Variants in THSD7A observed in about 807,000 individuals in gnomAD.
THSD7A encodes the protein thrombospondin type-1 domain-containing protein 7A.
Under a neutral mutation model 231.3 loss-of-function variants are expected in THSD7A, and 96 were observed. The ratio of observed to expected loss-of-function variants is 0.41; its 90% CI spans 0.35 to 0.49. The LOEUF is 0.49. Among genes scored for constraint, THSD7A ranks in the 20% least tolerant of loss-of-function variants. The probability of loss-of-function intolerance (pLI) is 0.05; values close to 1 mark genes in which losing one functional copy is unlikely to be tolerated. For synonymous variants in THSD7A, 940 were observed against 743.3 expected, an observed-to-expected ratio of 1.26 and a Z score of -4.30; for missense variants, 2,290 against 2,070.2, an observed-to-expected ratio of 1.11 and a Z score of -2.06.
At chr7:11,647,256 T>C (rs1782318169) in intron 1 of THSD7A, among the ~76,000 whole-genome samples, 1 of 152,004 alleles carries the variant, frequency 6.6e-6, no homozygotes, top group South Asian at 2.1e-4. Flanking sequence ...TAGAACTACA[T>C]CCTCCAATTC....
chr7:11,746,509 C>T (rs540455391), intron 1 of THSD7A, among the ~76,000 whole-genome samples: 20 of 151,732 alleles, frequency 1.3e-4, no homozygotes, highest in South Asian at 8.3e-4. Flanking sequence ...TTCATGACCT[C>T]GACATGTTTT....
At position 11,710,748 on chromosome 7, in the gene THSD7A, G is replaced by C. The variant is rs147532311; in HGVS notation, c.191-73787C>G. On this transcript the variant is annotated intron_variant, in intron 1 of 27. Coordinates refer to ENST00000423059, the MANE Select transcript of THSD7A (RefSeq NM_015204.3). ...AAAATTTTTGAATTTTTAACATTCT[G>C]TTTGTTACATGCCCCTATTTACAGA... Among the ~76,000 whole-genome samples the C allele has an allele frequency of 6.0e-3, 902 of 150,922 alleles. 7 individuals are homozygous for C. The highest frequency in any genetic ancestry group is 0.021 in the African/African-American group (861 of 41,368).
chr7:11,445,568 A>T (rs976089610), intron 13 of THSD7A, among the ~76,000 whole-genome samples: 2 of 151,710 alleles, frequency 1.3e-5, no homozygotes, highest in Non-Finnish European at 2.9e-5. Flanking sequence ...ATAGAGAATA[A>T]ACGTTTGAGT....
intron 6 of THSD7A, among the ~76,000 whole-genome samples, chr7:11,532,189 A>G (rs77262637): frequency 0.014 from 2,158 of 152,190 alleles, 42 homozygotes; most frequent in East Asian, 0.023. Flanking sequence ...GGGCCAACTT[A>G]GGCCATTCCA....
chr7:11,481,792 T>C lies in THSD7A; in HGVS notation c.2013A>G (p.Glu671=). The part of the protein sequence containing the change: ...RARSILAYAG[E]EGGIRCPNSS... ...CGTCTGAAGCTGGCGACTCACCTTC[T>C]TCACCCGCATAGGCCAGAATGGATC... The change falls in exon 7 of 28, where the codon GAA becomes GAG. Residue 671 remains glutamate (E), a synonymous_variant. Coordinates refer to ENST00000423059, the MANE Select transcript of THSD7A (RefSeq NM_015204.3). 6.3e-7 allele frequency: 1 copy of C among 1,598,638 alleles called. No homozygotes were observed. Among genetic ancestry groups the C allele is most frequent in the Non-Finnish European group, 8.5e-7 (1 of 1,171,172 alleles).
At position 11,373,800 on chromosome 7, in the gene THSD7A, C is replaced by T. The variant is rs1341450200; in HGVS notation, c.*1994G>A. The T allele has an allele frequency of 2.0e-5, 3 of 152,070 alleles. No individual in the cohort carries two copies. Among genetic ancestry groups the T allele is most frequent in the African/African-American group, 7.2e-5 (3 of 41,430 alleles). The allele number at this position is 152,070 out of a possible 1,614,324, so 9.4% of individuals were successfully genotyped here. ...AATCCAAAACACTTTTACAGGAACA[C>T]AGCTGTTTAAGATAAAATAGCATGT... On this transcript the variant is annotated 3_prime_UTR_variant, in exon 28 of 28. Transcript: ENST00000423059.
chr7:11,717,314 A>T (rs80341973), intron 1 of THSD7A, among the ~76,000 whole-genome samples: 2,775 of 151,734 alleles, frequency 0.018, 74 homozygotes, highest in African/African-American at 0.063. Flanking sequence ...CCCTTAAGTG[A>T]TCTGTGCTTT....
chr7:11,783,714 G>A (rs1783702259), intron 1 of THSD7A, among the ~76,000 whole-genome samples: 2 of 152,070 alleles, frequency 1.3e-5, no homozygotes, highest in South Asian at 4.1e-4. Context: ...TATAGATGAA[G>A]CACTGACAAT....
intron 1 of THSD7A, among the ~76,000 whole-genome samples, chr7:11,803,979 G>A (rs1205318941): frequency 6.6e-6 from 1 of 152,064 alleles, no homozygotes; most frequent in Non-Finnish European, 1.5e-5. Flanking sequence ...AGTTTTGTAT[G>A]TATTTGTATT....
chr7:11,630,782 G>A (rs903732767), intron 2 of THSD7A, among the ~76,000 whole-genome samples: 1 of 152,204 alleles, frequency 6.6e-6, no homozygotes, highest in African/African-American at 2.4e-5. Context: ...TCCATTAAAT[G>A]TTTCTAGTAT....
Position 11,667,608 on chromosome 7 carries a change from C to T in THSD7A, c.191-30647G>A, listed in dbSNP as rs138637363. On this transcript the variant is annotated intron_variant, in intron 1 of 27. Coordinates refer to ENST00000423059, the MANE Select transcript of THSD7A (RefSeq NM_015204.3). ...CAATTGCAGTGCTTATAGACTATGA[C>T]CACATTACAAAAATAGACTTCTGAT... 1.8e-4 allele frequency among the ~76,000 whole-genome samples: 28 copies of T among 152,174 alleles called. 1 individual carries two copies. The highest frequency in any genetic ancestry group is 6.0e-4 in the African/African-American group (25 of 41,544).
intron 1 of THSD7A, among the ~76,000 whole-genome samples, chr7:11,687,518 T>A (rs1008049587): frequency 1.3e-5 from 2 of 151,894 alleles, no homozygotes; most frequent in African/African-American, 4.8e-5. Context: ...TTCTTCTCAG[T>A]AGAAGACTGA....
At chr7:11,641,233 T>G (rs1782068221) in intron 1 of THSD7A, among the ~76,000 whole-genome samples, 1 of 152,142 alleles carries the variant, frequency 6.6e-6, no homozygotes, top group Non-Finnish European at 1.5e-5. Flanking sequence ...AGCTTTGCAG[T>G]TCTGCTAATT....
At chr7:11,390,538 T>A (rs558995573) in intron 23 of THSD7A, among the ~76,000 whole-genome samples, 6 of 152,334 alleles carry the variant, frequency 3.9e-5, no homozygotes, top group African/African-American at 1.4e-4. Flanking sequence ...TTCCTTGCAT[T>A]TGGTTAGAAC....
At chr7:11,537,311 G>T (rs1400860309) in intron 6 of THSD7A, among the ~76,000 whole-genome samples, 1 of 152,160 alleles carries the variant, frequency 6.6e-6, no homozygotes, top group Non-Finnish European at 1.5e-5. Context: ...ATATAGTTTG[G>T]ATATGTGTCC....
chr7:11,696,180 G>T (rs1448582280), intron 1 of THSD7A, among the ~76,000 whole-genome samples: 2 of 151,376 alleles, frequency 1.3e-5, no homozygotes, highest in African/African-American at 2.4e-5. Context: ...ACTGTGTAGG[G>T]CAAAGCTCTA....
At chr7:11,779,824 T>C (rs1783566082) in intron 1 of THSD7A, among the ~76,000 whole-genome samples, 1 of 152,222 alleles carries the variant, frequency 6.6e-6, no homozygotes, top group South Asian at 2.1e-4. Flanking sequence ...GAATGTATTC[T>C]GTGATATATA....
intron 7 of THSD7A, among the ~76,000 whole-genome samples, chr7:11,478,934 A>T (rs1003657164): frequency 7.9e-5 from 12 of 152,282 alleles, no homozygotes; most frequent in African/African-American, 2.9e-4. Context: ...AACTTACATT[A>T]ACAATGAAAC....
Position 11,470,032 on chromosome 7 carries a change from A to G in THSD7A, c.2253-38T>C. On this transcript the variant is annotated intron_variant, in intron 8 of 27. Coordinates refer to ENST00000423059, the MANE Select transcript of THSD7A (RefSeq NM_015204.3). ...AGGGGAATTATTAGGCTTCAATAGT[A>G]AAGCAGAAAATCAGATAATTTAATT... 6 of 1,345,284 alleles carry G rather than the reference A, an allele frequency of 4.5e-6. No individual in the cohort carries two copies. The East Asian group carries it at 1.2e-4, about 28-fold the overall frequency. The allele number at this position is 1,345,284 out of a possible 1,614,324, so 83.3% of individuals were successfully genotyped here. A position where few individuals can be genotyped will look rare whatever the true frequency, so the allele number is the denominator to read the frequency against.
Sources: gnomAD v4.1 joint callset for allele counts (sites outside exome capture counted in the v4.1 genomes callset) on GRCh38, gnomAD v4.1.1 for gene constraint, MANE v1.5 for transcripts, NCBI Gene and HGNC (gene_info 2026-07-23, HGNC 2026-07-21) for gene names.